The following MS4A5 variants were observed in gnomAD, a reference collection of about 807,000 sequenced individuals.
The protein encoded by MS4A5 is membrane spanning 4-domains A5.
MS4A5 carries 15 observed loss-of-function variants against 18.2 expected under a neutral mutation model. That is an observed-to-expected ratio of 0.83 (90% CI 0.55 to 1.27). The LOEUF is 1.27. Ranked by LOEUF, MS4A5 falls within the 50% of genes most tolerant of loss-of-function variation. The pLI is 0.00. For synonymous variants in MS4A5, 89 were observed against 78.7 expected (o/e 1.13, Z -0.69); for missense variants, 232 against 225.7 (o/e 1.03, Z -0.18).
rs751906617 is a variant in MS4A5, at chr11:60,429,705, T to C, written c.31T>C (p.Phe11Leu). 9 of 1,613,682 alleles carry C rather than the reference T, an allele frequency of 5.6e-6. No individual in the cohort carries two copies. In the African/African-American group the frequency reaches 9.3e-5, roughly 17 times the overall value. The change falls in exon 1 of 5, where the codon TTT becomes CTT. Residue 11 changes from phenylalanine (F) to leucine (L), a missense_variant. Phe to Leu is a conservative substitution (Grantham distance 22). Coordinates refer to ENST00000300190, the MANE Select transcript of MS4A5 (RefSeq NM_023945.3). Reference protein sequence around the residue: MDSSTAHSPVFLVFPPEITAS... With the variant: MDSSTAHSPVLLVFPPEITAS... ...TTCAAGCACCGCACACAGTCCGGTG[T>C]TTCTGGTATTTCCTCCAGAAATCAC... is the stretch of plus-strand genomic sequence containing the variant.
chr11:60,443,730 C>T (rs1042412693), intron 4 of MS4A5, among the ~76,000 whole-genome samples: 4 of 151,700 alleles, frequency 2.6e-5, no homozygotes, highest in African/African-American at 7.3e-5. Flanking sequence ...TGGTAAACCC[C>T]TAGATATTTA....
At chr11:60,441,761 A>T (rs756412174) in intron 4 of MS4A5, among the ~76,000 whole-genome samples, 3 of 152,006 alleles carry the variant, frequency 2.0e-5, no homozygotes, top group Non-Finnish European at 2.9e-5. Flanking sequence ...TTAAAATTTT[A>T]AAAAAAGATG....
chr11:60,434,001 ATGT>A, intron 4 of MS4A5, 84 bp downstream of exon 4: 2 of 1,213,678 alleles, frequency 1.6e-6, no homozygotes, highest in Non-Finnish European at 2.3e-6. Context: ...CATTCAGATC[ATGT>A]TGTGGACACA....
intron 2 of MS4A5, 85 bp from the exon 3 acceptor site, chr11:60,432,326 A>T: frequency 1.2e-6 from 1 of 838,586 alleles, no homozygotes; most frequent in South Asian, 1.9e-5. Flanking sequence ...GCGGGCCTGT[A>T]AAAGAAATGC....
At position 60,435,527 on chromosome 11, in the gene MS4A5, A is replaced by G. The variant is rs974472924; in HGVS notation, c.492+1610A>G. 311 of 381,158 alleles carry G rather than the reference A, an allele frequency of 8.2e-4. 1 individual carries two copies. Among genetic ancestry groups the G allele is most frequent in the African/African-American group, 6.2e-3 (294 of 47,184 alleles). The allele number at this position is 381,158 out of a possible 1,614,324, so 23.6% of individuals were successfully genotyped here. On this transcript the variant is annotated intron_variant, in intron 4 of 4. Transcript: ENST00000300190. The stretch of plus-strand genomic sequence containing the variant: ...CATTTCCATCTGAGGTACCCGGTTC[A>G]TCTCACTAGGGAGTGCCAGACAGTG...
At chr11:60,430,674 T>A (rs997768356) in intron 1 of MS4A5, 122 bp from the exon 2 acceptor site, 1 of 1,106,656 alleles carries the variant, frequency 9.0e-7, no homozygotes, top group Non-Finnish European at 1.3e-6. Flanking sequence ...ACTTCTATTA[T>A]TCTTCCCCTA....
intron 2 of MS4A5, among the ~76,000 whole-genome samples, chr11:60,431,362 G>T (rs2086047584): frequency 6.6e-6 from 1 of 152,224 alleles, no homozygotes; most frequent in Admixed American, 6.5e-5. Context: ...TTACAGAAGT[G>T]AAGTGGGAAG....
At chr11:60,430,561 A>C (rs2086043341) in intron 1 of MS4A5, among the ~76,000 whole-genome samples, 1 of 152,192 alleles carries the variant, frequency 6.6e-6, no homozygotes, top group African/African-American at 2.4e-5. Flanking sequence ...TGATGTTGCC[A>C]ATCCATGGAC....
At chr11:60,446,604 G>T (rs1433382075) in intron 4 of MS4A5, among the ~76,000 whole-genome samples, 2 of 152,002 alleles carry the variant, frequency 1.3e-5, no homozygotes, top group African/African-American at 4.8e-5. Flanking sequence ...TTGGTGGTGG[G>T]CACCTGTAAT....
chr11:60,447,770 G>A lies in MS4A5; in HGVS notation c.*11G>A. The A allele has an allele frequency of 3.4e-6, 5 of 1,452,514 alleles. No homozygotes were observed. The highest frequency in any genetic ancestry group is 4.8e-6 in the Non-Finnish European group (5 of 1,049,550). 90.0% of individuals were successfully genotyped at this position (1,452,514 alleles called of 1,614,324 possible). A position where few individuals can be genotyped will look rare whatever the true frequency, so the allele number is the denominator to read the frequency against. ...GAACAATGTTGTTGACTAGCACTGT[G>A]AGAATAAAGATGTGTTAAAATATTA... On this transcript the variant is annotated 3_prime_UTR_variant, in exon 5 of 5. Coordinates refer to ENST00000300190, the MANE Select transcript of MS4A5 (RefSeq NM_023945.3).
chr11:60,436,877 A>G (rs1202224530), intron 4 of MS4A5, among the ~76,000 whole-genome samples: 1 of 134,036 alleles, frequency 7.5e-6, no homozygotes, highest in African/African-American at 2.6e-5. Context: ...AACTTCCCCA[A>G]TCTAGCAAGG....
intron 4 of MS4A5, among the ~76,000 whole-genome samples, chr11:60,439,981 C>T (rs566462720): frequency 1.4e-5 from 2 of 146,820 alleles, no homozygotes; most frequent in South Asian, 4.4e-4. Context: ...AATCCGAAGC[C>T]AAAAGAACAA....
At chr11:60,432,527 C>G (rs1348970195) in intron 3 of MS4A5, 60 bp downstream of exon 3, 1 of 1,101,266 alleles carries the variant, frequency 9.1e-7, no homozygotes, top group African/African-American at 1.6e-5. Flanking sequence ...GTGGCTCATA[C>G]CTGTAATCCC....
Position 60,430,902 on chromosome 11 carries a change from A to G in MS4A5, c.260A>G (p.Tyr87Cys). Residue 87 changes from tyrosine (Y) to cysteine (C), a missense_variant, in exon 2 of 5, where the codon TAT (tyrosine) becomes TGT (cysteine). Tyr to Cys is a radical substitution (Grantham distance 194). Transcript: ENST00000300190. ...PRFPFIFLSG[Y>C]PFWGSVLFIN... ...TTTCCCTTTATATTTCTTTCAGGAT[A>G]TCCATTCTGGGGCTCTGTTTTGGTG... The G allele has an allele frequency of 6.2e-7, 1 of 1,612,954 alleles. No individual in the cohort carries two copies. The highest frequency in any genetic ancestry group is 8.5e-7 in the Non-Finnish European group (1 of 1,179,866).
chr11:60,445,993 CCAGA>C (rs2086136398), intron 4 of MS4A5, among the ~76,000 whole-genome samples: 1 of 152,034 alleles, frequency 6.6e-6, no homozygotes, highest in Non-Finnish European at 1.5e-5. Context: ...ACCTTTTAAC[CCAGA>C]TGTCTATCTC....
chr11:60,441,254 A>C (rs2086109900), intron 4 of MS4A5, among the ~76,000 whole-genome samples: 1 of 138,060 alleles, frequency 7.2e-6, no homozygotes, highest in South Asian at 2.4e-4. Context: ...AGGAAGGGGA[A>C]TATCACACTC....
chr11:60,435,325 CA>C (rs11377519), intron 4 of MS4A5: 131 of 392,526 alleles, frequency 3.3e-4, no homozygotes, highest in Admixed American at 1.3e-3. Flanking sequence ...CAGAACATAG[CA>C]AAAAAAAAAT....
At chr11:60,446,035 T>C (rs1482207106) in intron 4 of MS4A5, among the ~76,000 whole-genome samples, 2 of 152,138 alleles carry the variant, frequency 1.3e-5, no homozygotes, top group East Asian at 3.9e-4. Context: ...CTGTATATAA[T>C]GGTATATGTA....
At chr11:60,432,334 T>C (rs1002819637) in intron 2 of MS4A5, 77 bp from the exon 3 acceptor site, 3 of 906,294 alleles carry the variant, frequency 3.3e-6, no homozygotes, top group Non-Finnish European at 5.1e-6. Flanking sequence ...GTAAAAGAAA[T>C]GCATAGAGGT....
Sources: allele counts gnomAD v4.1 joint callset (sites outside exome capture counted in the v4.1 genomes callset), GRCh38; gene constraint gnomAD v4.1.1; transcripts MANE v1.5; gene names NCBI Gene and HGNC (gene_info 2026-07-23, HGNC 2026-07-21).